The following UPK1B variants were observed in gnomAD, a reference collection of about 807,000 sequenced individuals.
UPK1B encodes uroplakin-1b.
A neutral mutation model predicts 34.2 loss-of-function variants in UPK1B; 28 were observed. That is an observed-to-expected ratio of 0.82 (90% CI 0.61 to 1.12). UPK1B has a LOEUF of 1.12. Ranked by LOEUF, UPK1B falls within the 50% of genes most tolerant of loss-of-function variation. UPK1B has a pLI of 0.00. For missense variants in UPK1B, 325 were observed against 320.9 expected (o/e 1.01, Z -0.10); for synonymous variants, 81 against 110.4 (o/e 0.73, Z 1.67).
chr3:119,190,041 A>C (rs1220306525), intron 3 of UPK1B, among the ~76,000 whole-genome samples: 1 of 152,220 alleles, frequency 6.6e-6, no homozygotes, highest in East Asian at 1.9e-4. Flanking sequence ...TTCAATGGCT[A>C]TTTGTTCTCT....
chr3:119,191,972 C>T (rs1467479541), intron 5 of UPK1B, among the ~76,000 whole-genome samples: 1 of 152,122 alleles, frequency 6.6e-6, no homozygotes, highest in Non-Finnish European at 1.5e-5. Flanking sequence ...TGATATCCCA[C>T]CTAGAAACTT....
chr3:119,184,510 G>A (rs979744296), intron 1 of UPK1B, among the ~76,000 whole-genome samples: 5 of 150,138 alleles, frequency 3.3e-5, no homozygotes, highest in African/African-American at 1.2e-4. Context: ...ACAAGGTCAG[G>A]AGTTCGAGAC....
intron 1 of UPK1B, among the ~76,000 whole-genome samples, chr3:119,183,261 CTTTTTTTTTG>C (rs1201987886): frequency 7.7e-6 from 1 of 129,702 alleles, no homozygotes; most frequent in Non-Finnish European, 1.8e-5. Context: ...CCAAGCTTCC[CTTTTTTTTTG>C]TTTTTTTTTT....
intron 1 of UPK1B, among the ~76,000 whole-genome samples, chr3:119,178,155 A>C (rs892120423): frequency 7.2e-5 from 11 of 152,214 alleles, no homozygotes; most frequent in African/African-American, 2.7e-4. Context: ...TGCTGCCTTG[A>C]ATACACACTG....
At position 119,205,022 on chromosome 3, in the gene UPK1B, G is replaced by C. The variant is rs1034046109; in HGVS notation, c.*1055G>C. On this transcript the variant is annotated 3_prime_UTR_variant, in exon 8 of 8. Transcript: ENST00000264234. ...GCCAATAGAATGGGGTGATTTACAG[G>C]GATTTCTGTTTACTGTCAAAATATT... is the stretch of plus-strand genomic sequence containing the variant. 2 of 152,126 alleles carry C rather than the reference G, an allele frequency of 1.3e-5. No individual in the cohort carries two copies. The highest frequency in any genetic ancestry group is 2.9e-5 in the Non-Finnish European group (2 of 68,036). The allele number at this position is 152,126 out of a possible 1,614,324, so 9.4% of individuals were successfully genotyped here.
intron 1 of UPK1B, among the ~76,000 whole-genome samples, chr3:119,176,339 G>T (rs1049400745): frequency 6.6e-6 from 1 of 152,130 alleles, no homozygotes; most frequent in African/African-American, 2.4e-5. Flanking sequence ...CTTCTGCTTT[G>T]CAAATTGGTT....
rs557469538 is a variant in UPK1B at position 119,197,211 on chromosome 3, T to C, written c.649-1846T>C. 5.3e-5 allele frequency among the ~76,000 whole-genome samples: 8 copies of C among 152,296 alleles called. No individual in the cohort carries two copies. The East Asian group carries it at 1.3e-3, about 26-fold the overall frequency. On this transcript the variant is annotated intron_variant, in intron 6 of 7. Coordinates refer to ENST00000264234, the MANE Select transcript of UPK1B (RefSeq NM_006952.4). ...ACAGCATGTCAGATGCAAATATATA[T>C]ATATTCTATGTTATGGTTTATGTGA...
intron 6 of UPK1B, among the ~76,000 whole-genome samples, chr3:119,196,290 C>G (rs566957053): frequency 6.6e-6 from 1 of 152,160 alleles, no homozygotes; most frequent in East Asian, 1.9e-4. Flanking sequence ...TCTTGCCATC[C>G]TTTTCCACCA....
intron 1 of UPK1B, among the ~76,000 whole-genome samples, chr3:119,182,417 G>T (rs1035958391): frequency 1.3e-5 from 2 of 152,144 alleles, no homozygotes; most frequent in Non-Finnish European, 2.9e-5. Flanking sequence ...ATATCCTCTG[G>T]TTATAATTAA....
intron 1 of UPK1B, among the ~76,000 whole-genome samples, chr3:119,184,324 A>C (rs1249894671): frequency 6.6e-6 from 1 of 152,132 alleles, no homozygotes; most frequent in Non-Finnish European, 1.5e-5. Flanking sequence ...TTTCTGGACC[A>C]ATAAAGCCCC....
At chr3:119,191,456 T>G (rs1287855999) in intron 5 of UPK1B, among the ~76,000 whole-genome samples, 1 of 152,168 alleles carries the variant, frequency 6.6e-6, no homozygotes. Flanking sequence ...CTGGCAATCA[T>G]AGTTTATGTC....
At position 119,198,314 on chromosome 3, in the gene UPK1B, G is replaced by A. The variant is rs569549085; in HGVS notation, c.649-743G>A. The stretch of plus-strand genomic sequence containing the variant: ...CAGCCCTGGTTATTGCATTTCCTAG[G>A]CATTCCCTTTGGTTCCCAGAGCTTT... On this transcript the variant is annotated intron_variant, in intron 6 of 7. Transcript: ENST00000264234. Among the ~76,000 whole-genome samples, 5 of 152,264 alleles carry A rather than the reference G, an allele frequency of 3.3e-5. No individual in the cohort carries two copies. The South Asian group carries it at 1.0e-3, about 32-fold the overall frequency.
intron 7 of UPK1B, among the ~76,000 whole-genome samples, chr3:119,202,872 A>C (rs2078098188): frequency 6.6e-6 from 1 of 152,178 alleles, no homozygotes; most frequent in Admixed American, 6.5e-5. Flanking sequence ...AGAGTTTAGC[A>C]CAGACGAGAA....
intron 1 of UPK1B, among the ~76,000 whole-genome samples, chr3:119,174,409 G>T (rs540206941): frequency 6.6e-6 from 1 of 152,084 alleles, no homozygotes; most frequent in South Asian, 2.1e-4. Context: ...GTTTGCATTT[G>T]TTTATAAACC....
chr3:119,188,951 CG>C (rs1313571802), intron 3 of UPK1B, among the ~76,000 whole-genome samples: 18 of 152,192 alleles, frequency 1.2e-4, no homozygotes, highest in African/African-American at 4.1e-4. Context: ...CCTTAGTGTG[CG>C]TAAGTTCCAG....
chr3:119,190,809 T>C (rs971376193), intron 4 of UPK1B, among the ~76,000 whole-genome samples, 173 bp from the exon 5 acceptor site: 1 of 152,236 alleles, frequency 6.6e-6, no homozygotes, highest in African/African-American at 2.4e-5. Flanking sequence ...GAGTCTCTTC[T>C]CTGCATGGGG....
intron 1 of UPK1B, among the ~76,000 whole-genome samples, chr3:119,183,284 T>TTC (rs1559900872): frequency 6.6e-6 from 1 of 150,682 alleles, no homozygotes; most frequent in Non-Finnish European, 1.5e-5. Context: ...TTTTTTTTTT[T>TTC]TGGAGATGGA....
In UPK1B at chr3:119,199,100, G is replaced by A. The variant is rs368682621; in HGVS notation, c.692G>A (p.Trp231Ter). The change falls in exon 7 of 8, where the codon TGG becomes TAG. Residue 231 changes from tryptophan to a stop codon, truncating the protein, a stop_gained. Transcript: ENST00000264234. LOFTEE classifies it high-confidence loss of function. ...LISGPMNRHA[W>*]GVAWFGFAIL... is the part of the protein sequence containing the mutation. ...TCTGGTCCAATGAACCGACACGCCT[G>A]GGGGGTTGCCTGGTTTGGATTTGCC... 2.5e-6 allele frequency: 4 copies of A among 1,613,932 alleles called. No individual in the cohort carries two copies. Among genetic ancestry groups the A allele is most frequent in the East Asian group, 2.2e-5 (1 of 44,898 alleles).
intron 7 of UPK1B, among the ~76,000 whole-genome samples, chr3:119,202,878 G>T (rs1379590039): frequency 6.6e-6 from 1 of 152,132 alleles, no homozygotes; most frequent in Non-Finnish European, 1.5e-5. Context: ...TAGCACAGAC[G>T]AGAAGGGCAA....
Sources: gnomAD v4.1 joint callset for allele counts (sites outside exome capture counted in the v4.1 genomes callset) on GRCh38, gnomAD v4.1.1 for gene constraint, MANE v1.5 for transcripts, NCBI Gene and HGNC (gene_info 2026-07-23, HGNC 2026-07-21) for gene names.